MMP27: variants seen among roughly 807,000 people sequenced by gnomAD.
MMP27 encodes matrix metallopeptidase 27.
In MMP27, 51 loss-of-function variants were observed where a neutral mutation model predicts 48.1. The ratio of observed to expected loss-of-function variants is 1.06; its 90% CI spans 0.85 to 1.34. The LOEUF (loss-of-function observed/expected upper bound fraction) is 1.34. Among genes scored for constraint, MMP27 ranks in the 40% most tolerant of loss-of-function variants. The pLI is 0.00. For missense variants in MMP27, 698 were observed against 619.3 expected (o/e 1.13, Z -1.35); for synonymous variants, 229 against 208.9 (o/e 1.10, Z -0.83).
At position 102,691,915 on chromosome 11, in the gene MMP27, A is replaced by G. The variant is rs768748088; in HGVS notation, c.1393T>C (p.Cys465Arg). The G allele has an allele frequency of 3.1e-6, 5 of 1,613,458 alleles. No individual in the cohort carries two copies. The East Asian group carries it at 1.1e-4, about 36-fold the overall frequency. Reference sequence around the variant, plus strand: ...AATGAGGAGTTCTTTGGTTCTTTGCATTGAAACCAAGTATTAGTTCTCATG... The same window carrying G: ...AATGAGGAGTTCTTTGGTTCTTTGCGTTGAAACCAAGTATTAGTTCTCATG... Reference protein sequence around the residue: ...RIMRTNTWFQCKEPKNSSFGF... With the variant: ...RIMRTNTWFQRKEPKNSSFGF... The change falls in exon 10 of 10, where the codon TGC becomes CGC. Residue 465 changes from cysteine to arginine, a missense_variant. Transcript: ENST00000260229.
Position 102,704,751 on chromosome 11 carries a change from G to A in MMP27, c.127C>T (p.Leu43Phe), listed in dbSNP as rs773068396. 5.0e-5 allele frequency: 81 copies of A among 1,611,230 alleles called. 1 individual carries two copies. In the South Asian group the frequency reaches 8.6e-4, roughly 17 times the overall value. The change falls in exon 2 of 10, where the codon CTT (leucine) becomes TTT (phenylalanine). Residue 43 changes from leucine (L) to phenylalanine (F), a missense_variant. Leu to Phe is a conservative substitution (Grantham distance 22). Coordinates refer to ENST00000260229, the MANE Select transcript of MMP27 (RefSeq NM_022122.3). ...AQAYLNQFYSLEIEGNHLVQS... is the reference protein window; with the variant it reads ...AQAYLNQFYSFEIEGNHLVQS... ...ACAAGATGATTCCCTTCTATTTCAA[G>A]AGAGTAGAACTGGTTGAGATATGCC... is the stretch of plus-strand genomic sequence containing the variant.
At chr11:102,704,059 G>C (rs745710084) in intron 2 of MMP27, among the ~76,000 whole-genome samples, 1 of 152,070 alleles carries the variant, frequency 6.6e-6, no homozygotes, top group Non-Finnish European at 1.5e-5. Flanking sequence ...CCTTTTCCTT[G>C]AGATGTCTGA....
intron 4 of MMP27, among the ~76,000 whole-genome samples, chr11:102,701,295 G>A (rs529969760): frequency 3.7e-5 from 4 of 107,074 alleles, no homozygotes; most frequent in East Asian, 2.3e-4. Flanking sequence ...CAGATACATC[G>A]GACTTAAAAA....
intron 2 of MMP27, among the ~76,000 whole-genome samples, chr11:102,703,773 C>T (rs890119033): frequency 6.6e-6 from 1 of 152,202 alleles, no homozygotes; most frequent in African/African-American, 2.4e-5. Context: ...ATCCGTCTGC[C>T]TCAGCCTCCC....
At chr11:102,694,378 T>C (rs1327418068) in intron 7 of MMP27, among the ~76,000 whole-genome samples, 1 of 152,232 alleles carries the variant, frequency 6.6e-6, no homozygotes, top group Non-Finnish European at 1.5e-5. Flanking sequence ...CATCACATTG[T>C]ACCCCATAAA....
At position 102,699,907 on chromosome 11, in the gene MMP27, C is replaced by T. The variant is rs76138882; in HGVS notation, c.619+2846G>A. Among the ~76,000 whole-genome samples the T allele has an allele frequency of 3.6e-4, 55 of 152,318 alleles. No individual in the cohort carries two copies. The East Asian group carries it at 9.3e-3, about 26-fold the overall frequency. On this transcript the variant is annotated intron_variant, in intron 4 of 9. Coordinates refer to ENST00000260229, the MANE Select transcript of MMP27 (RefSeq NM_022122.3). ...ACTCCTATTCACCCTCTTCACCCTA[C>T]TTTGTCTTCTTAGTTCCTGCTGAGC...
At chr11:102,705,113 A>C (rs1861022809) in intron 1 of MMP27, among the ~76,000 whole-genome samples, 1 of 152,174 alleles carries the variant, frequency 6.6e-6, no homozygotes, top group African/African-American at 2.4e-5. Context: ...TTTTGCTGTT[A>C]CTTTCATTTT....
In MMP27 at chr11:102,692,043, C is replaced by T. The variant is rs182909242; in HGVS notation, c.1298-33G>A. The T allele has an allele frequency of 1.2e-5, 18 of 1,541,394 alleles. No homozygotes were observed. In the Admixed American group the frequency reaches 3.4e-4, roughly 29 times the overall value. ...CAGGGAATCAGGATTAGTTATCTTT[C>T]ATAACTATATAATACTTCCATACTT... is the stretch of plus-strand genomic sequence containing the variant. On this transcript the variant is annotated intron_variant, in intron 9 of 9. Transcript: ENST00000260229.
intron 9 of MMP27, among the ~76,000 whole-genome samples, chr11:102,692,614 G>T (rs1366321220): frequency 6.6e-6 from 1 of 152,130 alleles, no homozygotes; most frequent in Non-Finnish European, 1.5e-5. Flanking sequence ...GTACATTAAG[G>T]TACATACATT....
At position 102,694,015 on chromosome 11, in the gene MMP27, T is replaced by G; in HGVS notation, c.1084A>C (p.Lys362Gln). 1 of 1,608,686 alleles carries G rather than the reference T, an allele frequency of 6.2e-7. No homozygotes were observed. Among genetic ancestry groups the G allele is most frequent in the Non-Finnish European group, 8.5e-7 (1 of 1,177,372 alleles). ...GGAAAACCTAATGTATGGATGGATT[T>G]GGGATAATCTGGCAAGACAGCATAT... Reference protein sequence around the residue: ...RGYAVLPDYPKSIHTLGFPGR... With the variant: ...RGYAVLPDYPQSIHTLGFPGR... Residue 362 changes from lysine to glutamine, a missense_variant, in exon 8 of 10, where the codon AAA becomes CAA. Physicochemically the swap from Lys to Gln is moderately conservative, Grantham distance 53. Transcript: ENST00000260229.
At position 102,703,037 on chromosome 11, in the gene MMP27, G is replaced by C; in HGVS notation, c.423C>G (p.Val141=). ...IQEGLEVWSK[V]TPLKFTKISK... ...AAATCTTGGTGAATTTTAGTGGAGT[G>C]ACTTTGCTCCACACTTCTAAACCTT... The change falls in exon 3 of 10, where the codon GTC becomes GTG. Residue 141 remains valine (V), a synonymous_variant. Coordinates refer to ENST00000260229, the MANE Select transcript of MMP27 (RefSeq NM_022122.3). The C allele has an allele frequency of 6.2e-7, 1 of 1,614,054 alleles. No individual in the cohort carries two copies. The highest frequency in any genetic ancestry group is 2.2e-5 in the East Asian group (1 of 44,884).
chr11:102,691,782 G>A lies in MMP27; in HGVS notation c.1526C>T (p.Thr509Ile), dbSNP rs1174338565. 9 of 1,592,678 alleles carry A rather than the reference G, an allele frequency of 5.7e-6. No individual in the cohort carries two copies. Among genetic ancestry groups the A allele is most frequent in the African/African-American group, 2.7e-5 (2 of 74,258 alleles). Residue 509 changes from threonine to isoleucine, a missense_variant, in exon 10 of 10, where the codon ACT becomes ATT. Physicochemically the swap from Thr to Ile is moderately conservative, Grantham distance 89 (BLOSUM62 -1). Coordinates refer to ENST00000260229, the MANE Select transcript of MMP27 (RefSeq NM_022122.3). ...IFGIVHLLKN[T>I]SIYQ Reference sequence around the variant, plus strand: ...TCTATGAATTTATTGATAAATAGAAGTGTTTTTCAGCAAATGAACAATACC... The same window carrying A: ...TCTATGAATTTATTGATAAATAGAAATGTTTTTCAGCAAATGAACAATACC...
At position 102,702,769 on chromosome 11, in the gene MMP27, C is replaced by A. The variant is rs1375185722; in HGVS notation, c.603G>T (p.Trp201Cys). 9.9e-6 allele frequency: 16 copies of A among 1,611,076 alleles called. No individual in the cohort carries two copies. The highest frequency in any genetic ancestry group is 1.3e-5 in the Non-Finnish European group (15 of 1,179,382). ...GDTHFDEDEN[W>C]TKDGAGFNLF... ...TAGACTCACCTGCTCCATCCTTGGT[C>A]CAGTTTTCATCCTCATCAAAATGAG... The change falls in exon 4 of 10, where the codon TGG (tryptophan) becomes TGT (cysteine). Residue 201 changes from tryptophan to cysteine, a missense_variant. Trp to Cys is a radical substitution (Grantham distance 215). Transcript: ENST00000260229.
In MMP27 at chr11:102,698,286, T is replaced by TCACTA. The variant is rs540856556; in HGVS notation, c.620-1456_620-1452dup. 1.6e-3 allele frequency among the ~76,000 whole-genome samples: 243 copies of TCACTA among 152,260 alleles called. 2 individuals carry two copies. The highest frequency in any genetic ancestry group is 2.5e-3 in the Non-Finnish European group (172 of 68,016). ...GTGAGTAATGTGTTGTGCTGTGACA[T>TCACTA]CACTAGGTGATAGGAAATTTTCAGC... On this transcript the variant is annotated intron_variant, in intron 4 of 9. Transcript: ENST00000260229.
rs1313890432 is a variant in MMP27 at position 102,696,786 on chromosome 11, C to A, written c.669G>T (p.Gly223=). ...VAAHEFGHAL[G]LSHSNDQTAL... Reference sequence around the variant, plus strand: ...CTGTTTGATCATTGGAGTGAGAGAGCCCCAGTGCATGACCAAATTCATGAG... The same window carrying A: ...CTGTTTGATCATTGGAGTGAGAGAGACCCAGTGCATGACCAAATTCATGAG... The change falls in exon 5 of 10, where the codon GGG becomes GGT. Residue 223 remains glycine, a synonymous_variant. Coordinates refer to ENST00000260229, the MANE Select transcript of MMP27 (RefSeq NM_022122.3). 1 of 1,613,350 alleles carries A rather than the reference C, an allele frequency of 6.2e-7. No homozygotes were observed. Among genetic ancestry groups the A allele is most frequent in the Non-Finnish European group, 8.5e-7 (1 of 1,179,786 alleles).
At chr11:102,694,199 T>C in intron 7 of MMP27, 134 bp from the exon 8 acceptor site, 1 of 533,138 alleles carries the variant, frequency 1.9e-6, no homozygotes, top group South Asian at 4.4e-5. Flanking sequence ...CCACATTCAT[T>C]CCTACCACTT....
chr11:102,705,475 G>A, intron 1 of MMP27, 138 bp downstream of exon 1: 1 of 564,178 alleles, frequency 1.8e-6, no homozygotes, highest in East Asian at 3.3e-5. Context: ...GTCAGAGATA[G>A]ACAAATGAAA....
At position 102,693,962 on chromosome 11, in the gene MMP27, G is replaced by A. The variant is rs768167008; in HGVS notation, c.1137C>T (p.Ala379=). ...TTTTTCTTGTGGTCTTATCACAGACGGCTGCATCTATTTTCTTCACACGTC... is the reference window on the plus strand; with the variant it reads ...TTTTTCTTGTGGTCTTATCACAGACAGCTGCATCTATTTTCTTCACACGTC... ...FPGRVKKIDA[A]VCDKTTRKTY... is the part of the protein sequence containing the mutation. The change falls in exon 8 of 10, where the codon GCC becomes GCT. Residue 379 remains alanine, a synonymous_variant. Coordinates refer to ENST00000260229, the MANE Select transcript of MMP27 (RefSeq NM_022122.3). 13 of 1,611,610 alleles carry A rather than the reference G, an allele frequency of 8.1e-6. No individual in the cohort carries two copies. Among genetic ancestry groups the A allele is most frequent in the Admixed American group, 5.0e-5 (3 of 59,720 alleles).
At chr11:102,701,820 T>C (rs1860945475) in intron 4 of MMP27, among the ~76,000 whole-genome samples, 1 of 152,210 alleles carries the variant, frequency 6.6e-6, no homozygotes, top group Non-Finnish European at 1.5e-5. Flanking sequence ...GACCATTTTG[T>C]GTGACAGACT....
Sources: gnomAD v4.1 joint callset for allele counts (sites outside exome capture counted in the v4.1 genomes callset) on GRCh38, gnomAD v4.1.1 for gene constraint, MANE v1.5 for transcripts, NCBI Gene and HGNC (gene_info 2026-07-23, HGNC 2026-07-21) for gene names.